Variants in LONP1 observed in about 807,000 individuals in gnomAD.
The protein encoded by LONP1 is lon protease homolog, mitochondrial.
A neutral mutation model predicts 98.5 loss-of-function variants in LONP1; 31 were observed. That is an observed-to-expected ratio of 0.31 (90% CI 0.24 to 0.42). The LOEUF is 0.42. Among genes scored for constraint, LONP1 ranks in the 20% least tolerant of loss-of-function variants. The pLI is 1.00. For missense variants in LONP1, 1,336 were observed against 1,350.6 expected (o/e 0.99, Z 0.17); for synonymous variants, 781 against 594.7 (o/e 1.31, Z -4.56).
At chr19:5,705,735 C>CA (rs757546564) in intron 8 of LONP1, 37 bp downstream of exon 8, 1 of 1,592,236 alleles carries the variant, frequency 6.3e-7, no homozygotes, top group Non-Finnish European at 8.6e-7. Flanking sequence ...GAGGAGGGGT[C>CA]ACCTGAGGGC....
At chr19:5,707,486 G>A (rs1027139077) in intron 6 of LONP1, among the ~76,000 whole-genome samples, 9 of 152,188 alleles carry the variant, frequency 5.9e-5, no homozygotes, top group South Asian at 2.1e-4. Flanking sequence ...ACCGAAAGGC[G>A]GATGGATGTG....
At chr19:5,703,092 A>G (rs1027798179) in intron 8 of LONP1, among the ~76,000 whole-genome samples, 8 of 151,504 alleles carry the variant, frequency 5.3e-5, no homozygotes, top group Non-Finnish European at 1.2e-4. Context: ...GAGGCAGGAG[A>G]ATGGCATGAA....
chr19:5,702,211 C>T (rs994003450), intron 8 of LONP1, among the ~76,000 whole-genome samples: 7 of 147,598 alleles, frequency 4.7e-5, no homozygotes, highest in African/African-American at 1.5e-4. Context: ...GAGTGGGGGT[C>T]AGCCCCCCGC....
chr19:5,709,841 G>A (rs1401362812), intron 4 of LONP1, among the ~76,000 whole-genome samples: 1 of 146,624 alleles, frequency 6.8e-6, no homozygotes, highest in Non-Finnish European at 1.5e-5. Flanking sequence ...GAACCCGGGA[G>A]GTGGAGCTTG....
chr19:5,708,791 A>C (rs1233456734), intron 4 of LONP1: 1 of 171,032 alleles, frequency 5.8e-6, no homozygotes, highest in Admixed American at 5.8e-5. Context: ...AGGCGGGTGG[A>C]TCATGAGGTC....
chr19:5,702,252 T>TGG lies in LONP1; in HGVS notation c.1368-1327_1368-1326dup, dbSNP rs56009900. Among the ~76,000 whole-genome samples the TGG allele has an allele frequency of 7.2e-3, 864 of 119,722 alleles. 2 individuals carry two copies. Among genetic ancestry groups the TGG allele is most frequent in the Admixed American group, 0.011 (142 of 12,438 alleles). 78.5% of individuals were successfully genotyped at this position (119,722 alleles called of 152,430 possible). ...TAGCCGCCCCGTCTGGGAGGGAGGT[T>TGG]GGGGGGGGGGTCAGCCCCCCACCAG... On this transcript the variant is annotated intron_variant, in intron 8 of 17. Transcript: ENST00000360614.
rs777356711 is a variant in LONP1, at chr19:5,719,906, C to T, written c.227G>A (p.Gly76Glu). The change falls in exon 1 of 18, where the codon GGA (glycine) becomes GAA (glutamate). Residue 76 changes from glycine to glutamate, a missense_variant. Physicochemically the swap from Gly to Glu is moderately conservative, Grantham distance 98. This residue lies in a region of LONP1 where 457 missense variants were observed against 403.1 expected (regional missense o/e 1.13). Transcript: ENST00000360614. ...GTCCTCGCCCCCCGAGAATGCGCCT[C>T]CGCCGCGGCTGCTCGCTTCCCAAAA... is the stretch of plus-strand genomic sequence containing the variant. ...RGFWEASSRGGGAFSGGEDAS... is the reference protein window; with the variant it reads ...RGFWEASSRGEGAFSGGEDAS... 1 of 1,552,058 alleles carries T rather than the reference C, an allele frequency of 6.4e-7. No individual in the cohort carries two copies. Among genetic ancestry groups the T allele is most frequent in the South Asian group, 1.2e-5 (1 of 84,998 alleles).
rs201572424 is a variant in LONP1, at chr19:5,713,287, A to G, written c.519-34T>C. The G allele has an allele frequency of 4.0e-5, 61 of 1,516,550 alleles. No individual in the cohort carries two copies. The African/African-American group carries it at 7.1e-4, about 18-fold the overall frequency. The allele number at this position is 1,516,550 out of a possible 1,614,324, so 93.9% of individuals were successfully genotyped here. A position where few individuals can be genotyped will look rare whatever the true frequency, so the allele number is the denominator to read the frequency against. The stretch of plus-strand genomic sequence containing the variant: ...GAAGAGCACAGAGGAATGTTGGAAC[A>G]TGGCTTTCATGCTAGGCAGGATGTC... On this transcript the variant is annotated intron_variant, in intron 2 of 17. Transcript: ENST00000360614.
intron 3 of LONP1, 33 bp downstream of exon 3, chr19:5,713,101 C>T (rs1312050618): frequency 2.5e-6 from 4 of 1,613,482 alleles, no homozygotes; most frequent in East Asian, 2.2e-5. Context: ...GTACTCTGCC[C>T]CCACCTCCCA....
chr19:5,699,706 A>T (rs2055007367), intron 9 of LONP1, among the ~76,000 whole-genome samples: 1 of 150,382 alleles, frequency 6.6e-6, no homozygotes, highest in South Asian at 2.1e-4. Context: ...TACAGGTGTG[A>T]GTCACCATGC....
chr19:5,720,164 G>A (rs1483309901), upstream of LONP1: 19 of 1,387,532 alleles, frequency 1.4e-5, no homozygotes, highest in East Asian at 3.8e-4. Context: ...CACACAACTC[G>A]CGTCATTTCC....
intron 8 of LONP1, among the ~76,000 whole-genome samples, chr19:5,704,800 G>A (rs748762340): frequency 1.3e-5 from 2 of 152,222 alleles, no homozygotes; most frequent in Non-Finnish European, 2.9e-5. Context: ...GCTGACTCTC[G>A]AAGGGGCAAC....
Position 5,707,844 on chromosome 19 carries a change from C to G in LONP1, c.933-18G>C, listed in dbSNP as rs1429358771. 1 of 1,611,672 alleles carries G rather than the reference C, an allele frequency of 6.2e-7. No individual in the cohort carries two copies. Among genetic ancestry groups the G allele is most frequent in the South Asian group, 1.1e-5 (1 of 90,914 alleles). On this transcript the variant is annotated intron_variant, in intron 5 of 17. Coordinates refer to ENST00000360614, the MANE Select transcript of LONP1 (RefSeq NM_004793.4). Reference sequence around the variant, plus strand: ...CTGACTCCCTGGGGGACAAAGGGAGCTGCCTCGGTGGCCAGGGCCTCACGC... The same window carrying G: ...CTGACTCCCTGGGGGACAAAGGGAGGTGCCTCGGTGGCCAGGGCCTCACGC...
chr19:5,701,962 G>T (rs1329430901), intron 8 of LONP1, among the ~76,000 whole-genome samples: 1 of 151,332 alleles, frequency 6.6e-6, no homozygotes, highest in Non-Finnish European at 1.5e-5. Context: ...GGGAGGGGAA[G>T]AGCGTCTCTG....
chr19:5,707,224 A>G (rs2055160549), intron 6 of LONP1, 81 bp from the exon 7 acceptor site: 1 of 1,123,810 alleles, frequency 8.9e-7, no homozygotes, highest in Non-Finnish European at 1.3e-6. Flanking sequence ...GAAAATGCGC[A>G]CCCTGAGAGA....
chr19:5,709,849 T>C (rs2055208146), intron 4 of LONP1, among the ~76,000 whole-genome samples: 2 of 138,042 alleles, frequency 1.4e-5, no homozygotes, highest in Non-Finnish European at 3.0e-5. Context: ...GAGGTGGAGC[T>C]TGCGGTGAGC....
chr19:5,700,934 G>A lies in LONP1; in HGVS notation c.1368-7C>T, dbSNP rs1455831269. On this transcript the variant is annotated splice_region_variant and splice_polypyrimidine_tract_variant and intron_variant, in intron 8 of 17. Coordinates refer to ENST00000360614, the MANE Select transcript of LONP1 (RefSeq NM_004793.4). ...TAGGTAGTTGCGGGTGACACTGCCA[G>A]GGGACAGATGGAGAGATGCTGAGTG... 6.2e-7 allele frequency: 1 copy of A among 1,614,078 alleles called. No homozygotes were observed. The highest frequency in any genetic ancestry group is 1.1e-5 in the South Asian group (1 of 91,082).
chr19:5,711,623 T>C (rs1398941462), intron 4 of LONP1, 148 bp downstream of exon 4: 8 of 644,578 alleles, frequency 1.2e-5, no homozygotes, highest in Non-Finnish European at 8.0e-6. Flanking sequence ...GCACCCTCTA[T>C]GTTCCATTAG....
At chr19:5,716,263 T>TAA (rs2055319066) in intron 1 of LONP1, among the ~76,000 whole-genome samples, 1 of 26,952 alleles carries the variant, frequency 3.7e-5, no homozygotes, top group African/African-American at 1.7e-4. Context: ...AATATACATA[T>TAA]ATATATATAT....
Sources: gnomAD v4.1 joint callset for allele counts (sites outside exome capture counted in the v4.1 genomes callset) on GRCh38, gnomAD v4.1.1 for gene constraint, gnomAD v4.1.1 regional missense constraint, MANE v1.5 for transcripts, NCBI Gene and HGNC (gene_info 2026-07-23, HGNC 2026-07-21) for gene names.